The following RAB3IP variants were observed in gnomAD, a reference collection of about 807,000 sequenced individuals.
The protein encoded by RAB3IP is rab-3A-interacting protein.
RAB3IP carries 36 observed loss-of-function variants against 59.1 expected under a neutral mutation model. That is an observed-to-expected ratio of 0.61 (90% confidence interval 0.47 to 0.80). The LOEUF (loss-of-function observed/expected upper bound fraction) is 0.80. Ranked by LOEUF, RAB3IP falls within the 30% of genes least tolerant of loss-of-function variation. The pLI is 0.00. For synonymous variants in RAB3IP, 207 were observed against 191.2 expected (o/e 1.08, Z -0.68); for missense variants, 511 against 536.0 (o/e 0.95, Z 0.46).
chr12:69,810,768 G>A (rs569452363), intron 8 of RAB3IP, among the ~76,000 whole-genome samples: 1 of 152,252 alleles, frequency 6.6e-6, no homozygotes, highest in South Asian at 2.1e-4. Flanking sequence ...GGAAATTAAT[G>A]GAAAAGGCTT....
chr12:69,791,789 G>A (rs572422698), intron 4 of RAB3IP, among the ~76,000 whole-genome samples: 19 of 152,212 alleles, frequency 1.2e-4, no homozygotes, highest in East Asian at 5.8e-4. Flanking sequence ...TAAAGCTACC[G>A]CATGATCCAG....
chr12:69,812,777 GA>G lies in RAB3IP; in HGVS notation c.1134del (p.Lys378AsnfsTer17). On this transcript the variant is annotated frameshift_variant and splice_region_variant, in exon 9 of 11. Coordinates refer to ENST00000247833, the MANE Select transcript of RAB3IP (RefSeq NM_022456.5). LOFTEE classifies it high-confidence loss of function. ...KASAVECGGP[K>X]KCALTGQSKS... ...AACTGAAATTTATCATTATTTCACA[GA>G]AAATGTGCTCTCACTGGCCAGAGTA... 6.3e-7 allele frequency: 1 copy of G among 1,592,246 alleles called. No individual in the cohort carries two copies. The highest frequency in any genetic ancestry group is 8.6e-7 in the Non-Finnish European group (1 of 1,168,152).
At chr12:69,779,598 C>T (rs1385381751) in intron 3 of RAB3IP, among the ~76,000 whole-genome samples, 2 of 150,838 alleles carry the variant, frequency 1.3e-5, no homozygotes, top group African/African-American at 2.4e-5. Context: ...CCTTTGAGCT[C>T]ACTCATCGTT....
At chr12:69,766,173 A>G (rs918143858) in intron 3 of RAB3IP, among the ~76,000 whole-genome samples, 8 of 152,150 alleles carry the variant, frequency 5.3e-5, no homozygotes, top group Non-Finnish European at 1.0e-4. Flanking sequence ...GCAGTTCTCT[A>G]GATTTTTTGT....
chr12:69,795,600 A>T (rs569406356), intron 6 of RAB3IP: 2 of 577,488 alleles, frequency 3.5e-6, no homozygotes, highest in East Asian at 5.6e-5. Flanking sequence ...GGAAACTGTC[A>T]TGTGTTGTCT....
intron 1 of RAB3IP, among the ~76,000 whole-genome samples, chr12:69,740,442 A>G (rs73332017): frequency 0.01 from 1,597 of 152,290 alleles, 23 homozygotes; most frequent in African/African-American, 0.036. Context: ...TAAGTAGTCC[A>G]TTTTTTAACT....
chr12:69,770,303 C>T (rs1565891419), intron 3 of RAB3IP, among the ~76,000 whole-genome samples: 1 of 152,080 alleles, frequency 6.6e-6, no homozygotes, highest in South Asian at 2.1e-4. Context: ...CCCACCCTGC[C>T]GGGGATTCCA....
At chr12:69,743,464 C>A (rs1887543037) in intron 1 of RAB3IP, among the ~76,000 whole-genome samples, 1 of 152,112 alleles carries the variant, frequency 6.6e-6, no homozygotes, top group Non-Finnish European at 1.5e-5. Context: ...TGCTATTTCC[C>A]CCATTACATT....
Position 69,807,557 on chromosome 12 carries a change from C to T in RAB3IP, c.1131-5221C>T, listed in dbSNP as rs532484480. Among the ~76,000 whole-genome samples the T allele has an allele frequency of 1.1e-4, 16 of 144,260 alleles. No homozygotes were observed. The South Asian group carries it at 3.2e-3, about 29-fold the overall frequency. 94.6% of individuals were successfully genotyped at this position (144,260 alleles called of 152,430 possible). ...ACAGGGTGGCTGGGCAGAGACGCTC[C>T]TCACCTCTCAGACAGGGCGGCCGGA... On this transcript the variant is annotated intron_variant, in intron 8 of 10. Coordinates refer to ENST00000247833, the MANE Select transcript of RAB3IP (RefSeq NM_022456.5).
intron 8 of RAB3IP, among the ~76,000 whole-genome samples, chr12:69,807,099 A>T (rs1879453861): frequency 6.6e-6 from 1 of 152,018 alleles, no homozygotes; most frequent in African/African-American, 2.4e-5. Flanking sequence ...GTCTCTTCGG[A>T]GCTGTTGGGT....
chr12:69,811,035 T>C (rs1219502027), intron 8 of RAB3IP, among the ~76,000 whole-genome samples: 1 of 152,190 alleles, frequency 6.6e-6, no homozygotes, highest in Non-Finnish European at 1.5e-5. Flanking sequence ...CTATACACCA[T>C]GGAATACTAT....
At position 69,817,995 on chromosome 12, in the gene RAB3IP, C is replaced by T. The variant is rs1404688531; in HGVS notation, c.*2549C>T. ...CATTAAGAGGTTTTCATCTCTCAAT[C>T]AGGAAAACGTAAATCAAGATGACAA... On this transcript the variant is annotated 3_prime_UTR_variant, in exon 11 of 11. Coordinates refer to ENST00000247833, the MANE Select transcript of RAB3IP (RefSeq NM_022456.5). The T allele has an allele frequency of 6.6e-6, 1 of 152,130 alleles. No homozygotes were observed. Among genetic ancestry groups the T allele is most frequent in the Non-Finnish European group, 1.5e-5 (1 of 68,022 alleles). The allele number at this position is 152,130 out of a possible 1,614,324, so 9.4% of individuals were successfully genotyped here.
Position 69,763,621 on chromosome 12 carries a change from C to T in RAB3IP, c.510+6958C>T, listed in dbSNP as rs184506488. 1.1e-3 allele frequency among the ~76,000 whole-genome samples: 161 copies of T among 151,964 alleles called. 1 individual carries two copies. The highest frequency in any genetic ancestry group is 1.6e-3 in the Admixed American group (25 of 15,266). The stretch of plus-strand genomic sequence containing the variant: ...CTTGTTAAAATTTTTTTTTCTTCAA[C>T]TTTTATTTTAAATTTAGGGGGTATA... On this transcript the variant is annotated intron_variant, in intron 3 of 10. Coordinates refer to ENST00000247833, the MANE Select transcript of RAB3IP (RefSeq NM_022456.5).
intron 3 of RAB3IP, among the ~76,000 whole-genome samples, chr12:69,780,866 C>T (rs917437433): frequency 6.6e-6 from 1 of 151,854 alleles, no homozygotes. Flanking sequence ...TATTTTTAAT[C>T]AAATGCATTT....
intron 6 of RAB3IP, among the ~76,000 whole-genome samples, chr12:69,797,973 G>A (rs986165669): frequency 2.6e-5 from 4 of 152,182 alleles, no homozygotes; most frequent in Admixed American, 6.5e-5. Context: ...GAATAATGCC[G>A]CAATAAACAT....
In RAB3IP at chr12:69,820,898, G is replaced by GT. The variant is rs1284410565; in HGVS notation, c.*5456dup. The stretch of plus-strand genomic sequence containing the variant: ...AAACCCAAACTCAATAGAAAATCAA[G>GT]TTTTCATAGTGGTAGTTGTTAACAG... On this transcript the variant is annotated 3_prime_UTR_variant, in exon 11 of 11. Coordinates refer to ENST00000247833, the MANE Select transcript of RAB3IP (RefSeq NM_022456.5). 1 of 134,612 alleles carries GT rather than the reference G, an allele frequency of 7.4e-6. No individual in the cohort carries two copies. Among genetic ancestry groups the GT allele is most frequent in the East Asian group, 2.1e-4 (1 of 4,748 alleles). 8.3% of individuals were successfully genotyped at this position (134,612 alleles called of 1,614,324 possible).
intron 8 of RAB3IP, among the ~76,000 whole-genome samples, chr12:69,803,812 T>TA (rs1297179041): frequency 6.6e-6 from 1 of 152,214 alleles, no homozygotes; most frequent in African/African-American, 2.4e-5. Flanking sequence ...TCCATGTCCC[T>TA]ACAAAGGACA....
chr12:69,802,463 G>C (rs11177864), intron 8 of RAB3IP, among the ~76,000 whole-genome samples: 32,237 of 152,146 alleles, frequency 0.21, 4,148 homozygotes, highest in Middle Eastern at 0.35. Context: ...CCTATAAGGA[G>C]GAATGACTGA....
intron 3 of RAB3IP, among the ~76,000 whole-genome samples, chr12:69,780,380 A>G (rs979956206): frequency 6.6e-6 from 1 of 152,156 alleles, no homozygotes; most frequent in Admixed American, 6.5e-5. Flanking sequence ...CAGTTTACCA[A>G]CTGCAGGGAG....
Sources: gnomAD v4.1 joint callset for allele counts (sites outside exome capture counted in the v4.1 genomes callset) on GRCh38, gnomAD v4.1.1 for gene constraint, MANE v1.5 for transcripts, NCBI Gene and HGNC (gene_info 2026-07-23, HGNC 2026-07-21) for gene names.